Variants in SNTG1 observed in about 807,000 individuals in gnomAD.
The protein encoded by SNTG1 is gamma-1-syntrophin.
A neutral mutation model predicts 74.7 loss-of-function variants in SNTG1; 39 were observed. The ratio of observed to expected loss-of-function variants is 0.52; its 90% CI spans 0.40 to 0.68. SNTG1 has a LOEUF of 0.68. SNTG1 is among the 30% of genes least tolerant of loss of function. The pLI, the probability that SNTG1 is intolerant of heterozygous loss-of-function variation, is 0.00. For synonymous variants in SNTG1, 254 were observed against 217.1 expected (o/e 1.17, Z -1.49); for missense variants, 685 against 609.5 (o/e 1.12, Z -1.30).
At chr8:50,507,384 G>C (rs2094016223) in intron 9 of SNTG1, among the ~76,000 whole-genome samples, 1 of 152,060 alleles carries the variant, frequency 6.6e-6, no homozygotes, top group Non-Finnish European at 1.5e-5. Context: ...TTTTGAAAGA[G>C]TATGAGAAAG....
chr8:50,514,320 A>G (rs1221400092), intron 9 of SNTG1, among the ~76,000 whole-genome samples: 1 of 152,050 alleles, frequency 6.6e-6, no homozygotes, highest in Non-Finnish European at 1.5e-5. Flanking sequence ...AGGTTTTTAA[A>G]TTATTTTGCA....
At chr8:49,955,038 G>C (rs1190032182) in intron 1 of SNTG1, among the ~76,000 whole-genome samples, 2 of 152,070 alleles carry the variant, frequency 1.3e-5, no homozygotes, top group Non-Finnish European at 2.9e-5. Context: ...ATTATGCTTG[G>C]CACAATTTTA....
chr8:50,395,168 A>G (rs867305520), intron 3 of SNTG1, among the ~76,000 whole-genome samples: 3 of 152,208 alleles, frequency 2.0e-5, no homozygotes, highest in African/African-American at 7.2e-5. Flanking sequence ...GAAAAAATAT[A>G]TATTTAAAAA....
In SNTG1 at chr8:49,934,712, G is replaced by T. The variant is rs377009870; in HGVS notation, c.-103+22481G>T. Reference sequence around the variant, plus strand: ...ATGACATTTCATCAAAAATACAGATGCAAATATAAGAGCAACATGTTTGTG... The same window carrying T: ...ATGACATTTCATCAAAAATACAGATTCAAATATAAGAGCAACATGTTTGTG... On this transcript the variant is annotated intron_variant, in intron 1 of 18. Coordinates refer to ENST00000642720, the MANE Select transcript of SNTG1 (RefSeq NM_018967.5). 2.4e-4 allele frequency among the ~76,000 whole-genome samples: 36 copies of T among 152,248 alleles called. No homozygotes were observed. In the East Asian group the frequency reaches 6.0e-3, roughly 25 times the overall value.
chr8:50,318,086 T>G (rs1414266950), intron 2 of SNTG1, among the ~76,000 whole-genome samples: 1 of 152,150 alleles, frequency 6.6e-6, no homozygotes, highest in African/African-American at 2.4e-5. Context: ...TCCGCCCGCC[T>G]TGACCTCCCA....
At chr8:50,109,254 A>C (rs2080492184) in intron 1 of SNTG1, among the ~76,000 whole-genome samples, 1 of 152,230 alleles carries the variant, frequency 6.6e-6, no homozygotes, top group Non-Finnish European at 1.5e-5. Context: ...TCTCTTGTCC[A>C]CTGACATAAA....
rs1312279913 is a variant in SNTG1, at chr8:50,402,293, G to A, written c.111G>A (p.Met37Ile). 6.2e-7 allele frequency: 1 copy of A among 1,613,790 alleles called. No homozygotes were observed. The highest frequency in any genetic ancestry group is 8.5e-7 in the Non-Finnish European group (1 of 1,179,930). ...TGCACCTAGCCAAAGACATTTTGAT[G>A]ATCCAGGAACAGGATGTGATATGTG... ...VRLHLAKDIL[M>I]IQEQDVICVS... The change falls in exon 4 of 19, where the codon ATG becomes ATA. Residue 37 changes from methionine (M) to isoleucine (I), a missense_variant. Coordinates refer to ENST00000642720, the MANE Select transcript of SNTG1 (RefSeq NM_018967.5).
chr8:50,464,869 C>T (rs7826421), intron 8 of SNTG1, among the ~76,000 whole-genome samples: 130,583 of 151,764 alleles, frequency 0.86, 56,292 homozygotes, highest in Non-Finnish European at 0.89. Context: ...ATTTTTCAAG[C>T]AGTTTGACTA....
chr8:50,377,811 TA>T (rs1186164427), intron 2 of SNTG1, among the ~76,000 whole-genome samples: 2 of 152,208 alleles, frequency 1.3e-5, no homozygotes, highest in Non-Finnish European at 2.9e-5. Context: ...TTTTGATTTT[TA>T]AAAAAATTGA....
chr8:50,078,740 G>T (rs184500017), intron 1 of SNTG1, among the ~76,000 whole-genome samples: 3 of 152,060 alleles, frequency 2.0e-5, no homozygotes, highest in Admixed American at 2.0e-4. Context: ...AGGCCCCAGC[G>T]TGTGATATTC....
At chr8:50,503,012 A>T in intron 9 of SNTG1, 132 bp downstream of exon 9, 1 of 663,966 alleles carries the variant, frequency 1.5e-6, no homozygotes. Context: ...TATATTACAA[A>T]GTGTTCTACT....
intron 13 of SNTG1, among the ~76,000 whole-genome samples, chr8:50,626,702 G>T (rs1019498632): frequency 6.6e-6 from 1 of 152,136 alleles, no homozygotes; most frequent in Admixed American, 6.5e-5. Flanking sequence ...GCCTTTAAGC[G>T]GTTTTCTGCC....
intron 4 of SNTG1, among the ~76,000 whole-genome samples, chr8:50,436,901 T>C (rs2093309528): frequency 6.6e-6 from 1 of 152,296 alleles, no homozygotes; most frequent in South Asian, 2.1e-4. Flanking sequence ...TTTTGCGATA[T>C]AAATTCTAAA....
intron 4 of SNTG1, among the ~76,000 whole-genome samples, chr8:50,412,315 C>T (rs549467813): frequency 2.0e-5 from 3 of 152,074 alleles, no homozygotes; most frequent in South Asian, 4.2e-4. Flanking sequence ...ACATTTTGTA[C>T]CTATTTGTCT....
At chr8:50,747,373 T>C (rs1231339036) in intron 17 of SNTG1, among the ~76,000 whole-genome samples, 1 of 151,996 alleles carries the variant, frequency 6.6e-6, no homozygotes, top group African/African-American at 2.4e-5. Context: ...GTGCTACTCA[T>C]ATTCCTCCAC....
At chr8:50,376,746 TATATATATATAGAGAGAG>T (rs1214755385) in intron 2 of SNTG1, among the ~76,000 whole-genome samples, 1 of 111,060 alleles carries the variant, frequency 9.0e-6, no homozygotes, top group Non-Finnish European at 2.0e-5. Context: ...TATATATATA[TATATATATATAGAGAGAG>T]AGAGAGAGAG....
chr8:50,632,996 G>A (rs1004813190), intron 13 of SNTG1, among the ~76,000 whole-genome samples: 9 of 152,132 alleles, frequency 5.9e-5, no homozygotes, highest in East Asian at 1.9e-4. Flanking sequence ...TTGTCAGTGC[G>A]GCTGAAATGC....
intron 2 of SNTG1, among the ~76,000 whole-genome samples, chr8:50,175,085 G>T (rs2082948132): frequency 6.6e-6 from 1 of 151,936 alleles, no homozygotes; most frequent in African/African-American, 2.4e-5. Context: ...GTGTATATTT[G>T]CCACATTTTC....
At chr8:50,228,823 C>A (rs1310679963) in intron 2 of SNTG1, among the ~76,000 whole-genome samples, 1 of 151,504 alleles carries the variant, frequency 6.6e-6, no homozygotes, top group African/African-American at 2.4e-5. Flanking sequence ...CAAATGCATA[C>A]CTGTAGAAAG....
Sources: gnomAD v4.1 joint callset for allele counts (sites outside exome capture counted in the v4.1 genomes callset) on GRCh38, gnomAD v4.1.1 for gene constraint, MANE v1.5 for transcripts, NCBI Gene and HGNC (gene_info 2026-07-23, HGNC 2026-07-21) for gene names.